Variants in LYST observed in about 807,000 individuals in gnomAD.
The protein encoded by LYST is lysosomal trafficking regulator.
Under a neutral mutation model 413.6 loss-of-function variants are expected in LYST, and 192 were observed. The ratio of observed to expected loss-of-function variants is 0.46; its 90% CI spans 0.41 to 0.52. LYST has a LOEUF of 0.52. Among genes scored for constraint, LYST ranks in the 20% least tolerant of loss-of-function variants. LYST has a pLI of 0.00. For synonymous variants in LYST, 1,525 were observed against 1,567.3 expected, an observed-to-expected ratio of 0.97 and a Z score of 0.64; for missense variants, 3,815 against 4,499.9, an observed-to-expected ratio of 0.85 and a Z score of 4.35.
chr1:235,737,938 GCCCCAA>G, intron 31 of LYST: 2 of 1,193,720 alleles, frequency 1.7e-6, no homozygotes, highest in Non-Finnish European at 2.1e-6. Context: ...ACTGCCGCGT[GCCCCAA>G]CACCCGCCGG....
intron 6 of LYST, among the ~76,000 whole-genome samples, chr1:235,805,425 G>C (rs916555577): frequency 1.3e-5 from 2 of 152,032 alleles, no homozygotes; most frequent in Non-Finnish European, 2.9e-5. Context: ...TGGTGAATGG[G>C]TGATCAGTTT....
Position 235,759,116 on chromosome 1 carries a change from A to G in LYST, c.6737T>C (p.Leu2246Pro). Reference protein sequence around the residue: ...FQRSHSTIASLGLAFPSQNGS... With the variant: ...FQRSHSTIASPGLAFPSQNGS... ...GTTCTGTGAAGGAAAAGCTAGCCCAAGGCTTGCAATAGTGCTGTGGCTTCG... is the reference window on the plus strand; with the variant it reads ...GTTCTGTGAAGGAAAAGCTAGCCCAGGGCTTGCAATAGTGCTGTGGCTTCG... Residue 2246 changes from leucine to proline, a missense_variant, in exon 23 of 53, where the codon CTT (leucine) becomes CCT (proline). Coordinates refer to ENST00000389793, the MANE Select transcript of LYST (RefSeq NM_000081.4). 1.2e-6 allele frequency: 2 copies of G among 1,614,192 alleles called. No homozygotes were observed. Among genetic ancestry groups the G allele is most frequent in the Non-Finnish European group, 1.7e-6 (2 of 1,180,014 alleles).
chr1:235,857,708 C>T (rs1257241488), intron 1 of LYST, among the ~76,000 whole-genome samples: 2 of 149,270 alleles, frequency 1.3e-5, no homozygotes, highest in African/African-American at 2.5e-5. Context: ...TATATATACA[C>T]ACACACACGT....
intron 44 of LYST, among the ~76,000 whole-genome samples, chr1:235,708,572 G>A (rs1662167105): frequency 6.6e-6 from 1 of 152,160 alleles, no homozygotes; most frequent in African/African-American, 2.4e-5. Flanking sequence ...TTCTGAGGCT[G>A]GAATTTCAGT....
At chr1:235,699,123 G>A (rs1481787445) in intron 45 of LYST, among the ~76,000 whole-genome samples, 2 of 151,938 alleles carry the variant, frequency 1.3e-5, no homozygotes, top group African/African-American at 4.8e-5. Flanking sequence ...CTTTAGTTCT[G>A]GGATACATGT....
intron 41 of LYST, among the ~76,000 whole-genome samples, chr1:235,715,868 T>TAA (rs61338459): frequency 0.019 from 2,754 of 146,282 alleles, 31 homozygotes; most frequent in Middle Eastern, 0.035. Flanking sequence ...TTATCAGAGA[T>TAA]AAAAAAAAAA....
chr1:235,711,779 AAAG>A (rs1304731151), intron 43 of LYST, among the ~76,000 whole-genome samples: 1 of 152,126 alleles, frequency 6.6e-6, no homozygotes, highest in Non-Finnish European at 1.5e-5. Flanking sequence ...TATTCAGAAA[AAAG>A]AATAAAGCAA....
chr1:235,781,004 T>G lies in LYST; in HGVS notation c.5075A>C (p.Asn1692Thr). ...EAFYLYACGPNHTSVMPCKYG... is the reference protein window; with the variant it reads ...EAFYLYACGPTHTSVMPCKYG... The stretch of plus-strand genomic sequence containing the variant: ...CTTACATGGCATTACAGATGTATGG[T>G]TGGGTCCACAAGCATACAGATAAAA... Residue 1692 changes from asparagine (N) to threonine (T), a missense_variant, in exon 16 of 53, where the codon AAC becomes ACC. By Grantham distance (65) the Asn-to-Thr change is moderately conservative. Around this residue, in one of 4 missense-constraint regions of LYST, gnomAD observed 530 missense variants for 696.5 expected, o/e 0.76. Coordinates refer to ENST00000389793, the MANE Select transcript of LYST (RefSeq NM_000081.4). The G allele has an allele frequency of 6.2e-7, 1 of 1,611,912 alleles. No homozygotes were observed. Among genetic ancestry groups the G allele is most frequent in the Non-Finnish European group, 8.5e-7 (1 of 1,178,648 alleles).
intron 10 of LYST, among the ~76,000 whole-genome samples, chr1:235,795,676 A>C (rs375248990): frequency 2.6e-5 from 4 of 152,160 alleles, no homozygotes; most frequent in South Asian, 2.1e-4. Context: ...CATACTACCC[A>C]CTCAGGAAAG....
At chr1:235,734,437 C>A (rs569259751) in intron 32 of LYST, 46 bp downstream of exon 32, 1 of 1,432,964 alleles carries the variant, frequency 7.0e-7, no homozygotes, top group Admixed American at 1.7e-5. Flanking sequence ...CATTCTTTAT[C>A]TATGATGGAA....
chr1:235,851,163 TGTAA>T (rs1448525127), intron 1 of LYST, among the ~76,000 whole-genome samples: 1 of 148,716 alleles, frequency 6.7e-6, no homozygotes, highest in Non-Finnish European at 1.5e-5. Context: ...AACTGTGGTA[TGTAA>T]GTATGTATGT....
At chr1:235,722,560 G>A (rs12078575) in intron 39 of LYST, among the ~76,000 whole-genome samples, 5,643 of 152,068 alleles carry the variant, frequency 0.037, 345 homozygotes, top group African/African-American at 0.13. Flanking sequence ...ATCTTGGCTC[G>A]CTGCAACCTC....
intron 1 of LYST, among the ~76,000 whole-genome samples, chr1:235,845,679 T>G (rs1459695836): frequency 6.6e-6 from 1 of 152,100 alleles, no homozygotes; most frequent in Non-Finnish European, 1.5e-5. Flanking sequence ...GCCCTTCTGT[T>G]TGCGTGGGAG....
At chr1:235,706,667 C>T (rs1445692654) in intron 44 of LYST, among the ~76,000 whole-genome samples, 3 of 152,130 alleles carry the variant, frequency 2.0e-5, no homozygotes, top group Non-Finnish European at 4.4e-5. Context: ...TTCTCCCTTA[C>T]ATATTAATAT....
At chr1:235,825,710 T>C (rs895160306) in intron 3 of LYST, among the ~76,000 whole-genome samples, 2 of 152,244 alleles carry the variant, frequency 1.3e-5, no homozygotes, top group Non-Finnish European at 2.9e-5. Context: ...TTTGATATCA[T>C]GTTCATGCAT....
intron 1 of LYST, among the ~76,000 whole-genome samples, chr1:235,856,588 G>T (rs1043989238): frequency 1.2e-4 from 19 of 152,126 alleles, no homozygotes; most frequent in Non-Finnish European, 2.5e-4. Flanking sequence ...CTTAAACTGT[G>T]CATAATCAGG....
At chr1:235,748,341 A>G (rs1044992167) in intron 28 of LYST, among the ~76,000 whole-genome samples, 2 of 152,176 alleles carry the variant, frequency 1.3e-5, no homozygotes, top group Non-Finnish European at 2.9e-5. Context: ...AAAAAAATAC[A>G]TTTAAAAGTA....
At chr1:235,788,943 T>C in intron 12 of LYST, 98 bp from the exon 13 acceptor site, 1 of 1,083,376 alleles carries the variant, frequency 9.2e-7, no homozygotes, top group Non-Finnish European at 1.4e-6. Flanking sequence ...TGTTCATTTG[T>C]AGTAGGTTAT....
At chr1:235,719,301 A>C (rs1036525472) in intron 40 of LYST, among the ~76,000 whole-genome samples, 2 of 152,174 alleles carry the variant, frequency 1.3e-5, no homozygotes, top group African/African-American at 4.8e-5. Flanking sequence ...TACAGGAGTG[A>C]GCCACCACGC....
Sources: gnomAD v4.1 joint callset for allele counts (sites outside exome capture counted in the v4.1 genomes callset) on GRCh38, gnomAD v4.1.1 for gene constraint, gnomAD v4.1.1 regional missense constraint, MANE v1.5 for transcripts, NCBI Gene and HGNC (gene_info 2026-07-23, HGNC 2026-07-21) for gene names.